The following MMP16 variants were observed in gnomAD, a reference collection of about 807,000 sequenced individuals.
MMP16 encodes the protein matrix metallopeptidase 16.
In MMP16, 12 loss-of-function variants were observed where a neutral mutation model predicts 67.8. That is an observed-to-expected ratio of 0.18 (90% CI 0.11 to 0.29). The LOEUF (loss-of-function observed/expected upper bound fraction) is 0.29. Among genes scored for constraint, MMP16 ranks in the 10% least tolerant of loss-of-function variants. The pLI is 1.00. For synonymous variants in MMP16, 249 were observed against 255.9 expected (o/e 0.97, Z 0.26); for missense variants, 475 against 765.7 (o/e 0.62, Z 4.48).
At chr8:88,112,673 G>GTGTGTGTGTGTGTGTGTGTC (rs1345835554) in intron 6 of MMP16, among the ~76,000 whole-genome samples, 16 of 147,010 alleles carry the variant, frequency 1.1e-4, no homozygotes, top group Admixed American at 2.1e-4. Context: ...AAGGGTGTGT[G>GTGTGTGTGTGTGTGTGTGTC]TGTGTGTGTG....
chr8:88,279,315 A>G (rs1308374160), intron 1 of MMP16, among the ~76,000 whole-genome samples: 1 of 152,042 alleles, frequency 6.6e-6, no homozygotes, highest in East Asian at 1.9e-4. Flanking sequence ...TATCCGCCAT[A>G]TTGCATTAAA....
At chr8:88,135,912 TG>T (rs1250077265) in intron 4 of MMP16, among the ~76,000 whole-genome samples, 37 of 151,894 alleles carry the variant, frequency 2.4e-4, no homozygotes, top group Non-Finnish European at 4.6e-4. Context: ...TCAGTATTAA[TG>T]CTCTTACAGG....
Position 88,327,470 on chromosome 8 carries a change from G to A in MMP16, c.-264C>T, listed in dbSNP as rs952486663. The A allele has an allele frequency of 1.3e-5, 6 of 461,600 alleles. No individual in the cohort carries two copies. The highest frequency in any genetic ancestry group is 4.5e-5 in the East Asian group (1 of 22,434). The allele number at this position is 461,600 out of a possible 1,614,324, so 28.6% of individuals were successfully genotyped here. A position where few individuals can be genotyped will look rare whatever the true frequency, so the allele number is the denominator to read the frequency against. ...CGGGAACGTGGCGCCTAAGTTCACC[G>A]GCGGTTCCGGCTCAAAGAGCCTAGT... On this transcript the variant is annotated 5_prime_UTR_variant, in exon 1 of 10. Transcript: ENST00000286614.
At chr8:88,267,567 C>A (rs1393251632) in intron 1 of MMP16, among the ~76,000 whole-genome samples, 2 of 152,192 alleles carry the variant, frequency 1.3e-5, no homozygotes, top group Non-Finnish European at 2.9e-5. Flanking sequence ...ACATAGTGGG[C>A]ACCTACTAAA....
chr8:88,089,166 G>A (rs2118337896), intron 6 of MMP16, among the ~76,000 whole-genome samples: 1 of 152,058 alleles, frequency 6.6e-6, no homozygotes, highest in East Asian at 2.0e-4. Flanking sequence ...TCTTTCACTA[G>A]GCTGGAAGAT....
chr8:88,184,592 C>CAAAAAAAAAAAAAAAAA (rs1301244259), intron 3 of MMP16, among the ~76,000 whole-genome samples: 4 of 38,860 alleles, frequency 1.0e-4, no homozygotes, highest in African/African-American at 3.7e-4. Context: ...AAAAAAAAAG[C>CAAAAAAAAAAAAAAAAA]AAAAATTAGC....
At chr8:88,245,167 C>A (rs190397520) in intron 1 of MMP16, among the ~76,000 whole-genome samples, 2 of 152,132 alleles carry the variant, frequency 1.3e-5, no homozygotes, top group South Asian at 4.1e-4. Flanking sequence ...ACTCTCAATA[C>A]GCGAATATTG....
At chr8:88,326,198 A>C (rs1473462437) in intron 1 of MMP16, among the ~76,000 whole-genome samples, 1 of 152,234 alleles carries the variant, frequency 6.6e-6, no homozygotes, top group African/African-American at 2.4e-5. Context: ...GTTACAGCCC[A>C]GGTGTATACA....
intron 1 of MMP16, among the ~76,000 whole-genome samples, chr8:88,306,418 T>C (rs1201562670): frequency 6.6e-6 from 1 of 152,060 alleles, no homozygotes; most frequent in African/African-American, 2.4e-5. Flanking sequence ...AGGGACACTT[T>C]CCTAGCTCAT....
intron 6 of MMP16, among the ~76,000 whole-genome samples, chr8:88,093,897 G>T (rs1808981811): frequency 6.6e-6 from 1 of 151,708 alleles, no homozygotes; most frequent in African/African-American, 2.4e-5. Flanking sequence ...AATGTTTCAT[G>T]TTTGAAGAGT....
At chr8:88,077,872 T>C (rs1808676863) in intron 6 of MMP16, among the ~76,000 whole-genome samples, 1 of 152,192 alleles carries the variant, frequency 6.6e-6, no homozygotes, top group South Asian at 2.1e-4. Flanking sequence ...TCTAGAAAAG[T>C]ATGATACTTA....
chr8:88,089,362 C>A (rs1808895298), intron 6 of MMP16, among the ~76,000 whole-genome samples: 2 of 151,906 alleles, frequency 1.3e-5, no homozygotes, highest in Admixed American at 6.6e-5. Flanking sequence ...AACAGGAGGA[C>A]ATATCTTCTT....
At chr8:88,098,542 G>C (rs917669578) in intron 6 of MMP16, among the ~76,000 whole-genome samples, 1 of 151,916 alleles carries the variant, frequency 6.6e-6, no homozygotes, top group Admixed American at 6.6e-5. Context: ...GCAAAAGCTA[G>C]GCTTCCTTTA....
intron 6 of MMP16, among the ~76,000 whole-genome samples, chr8:88,104,759 G>C (rs1019029391): frequency 7.9e-5 from 12 of 151,434 alleles, no homozygotes; most frequent in Admixed American, 1.3e-4. Flanking sequence ...CACTGAAGGG[G>C]ACAAGATGTG....
intron 4 of MMP16, among the ~76,000 whole-genome samples, chr8:88,159,394 A>G (rs375574746): frequency 2.6e-5 from 4 of 151,870 alleles, no homozygotes; most frequent in Admixed American, 6.6e-5. Flanking sequence ...TTGTAAGTTG[A>G]ATTCCTAGGT....
intron 1 of MMP16, among the ~76,000 whole-genome samples, chr8:88,293,796 G>A (rs187702789): frequency 2.0e-5 from 3 of 152,088 alleles, no homozygotes; most frequent in South Asian, 2.1e-4. Flanking sequence ...TTAAATCCAC[G>A]ACAGTCAGTG....
At chr8:88,294,822 C>T (rs982693934) in intron 1 of MMP16, among the ~76,000 whole-genome samples, 3 of 152,154 alleles carry the variant, frequency 2.0e-5, no homozygotes, top group African/African-American at 7.2e-5. Flanking sequence ...ATGTTAGTCT[C>T]CTGCTTCAGC....
intron 4 of MMP16, among the ~76,000 whole-genome samples, chr8:88,158,929 T>TC (rs1200507114): frequency 1.3e-5 from 2 of 152,212 alleles, no homozygotes; most frequent in African/African-American, 4.8e-5. Context: ...GGGAATCCTT[T>TC]CCCCATTTCT....
chr8:88,278,382 G>A (rs2129988123), intron 1 of MMP16, among the ~76,000 whole-genome samples: 1 of 152,290 alleles, frequency 6.6e-6, no homozygotes, highest in Non-Finnish European at 1.5e-5. Context: ...TGGGTGTGTT[G>A]TAATACCGGT....
Sources: gnomAD v4.1 joint callset for allele counts (sites outside exome capture counted in the v4.1 genomes callset) on GRCh38, gnomAD v4.1.1 for gene constraint, MANE v1.5 for transcripts, NCBI Gene and HGNC (gene_info 2026-07-23, HGNC 2026-07-21) for gene names.